The following SGCD variants were observed in gnomAD, a reference collection of about 807,000 sequenced individuals.
SGCD encodes delta-sarcoglycan.
SGCD carries 18 observed loss-of-function variants against 36.6 expected under a neutral mutation model. That is an observed-to-expected ratio of 0.49 (90% CI 0.34 to 0.73). SGCD has a LOEUF of 0.73. SGCD is among the 30% of genes least tolerant of loss of function. The pLI is 0.01. For missense variants in SGCD, 387 were observed against 346.7 expected (o/e 1.12, Z -0.92); for synonymous variants, 133 against 130.6 (o/e 1.02, Z -0.12).
intron 3 of SGCD, among the ~76,000 whole-genome samples, chr5:156,366,555 A>T (rs1004017266): frequency 3.3e-5 from 5 of 152,220 alleles, no homozygotes; most frequent in African/African-American, 7.2e-5. Context: ...GCTTTGCAGA[A>T]GAAAAAATAA....
chr5:156,221,636 A>C (rs1764718253), intron 3 of SGCD, among the ~76,000 whole-genome samples: 1 of 152,020 alleles, frequency 6.6e-6, no homozygotes, highest in Non-Finnish European at 1.5e-5. Context: ...ATCACAAAAA[A>C]AATAATTTTT....
chr5:156,034,448 T>C (rs1232927506), intron 1 of SGCD, among the ~76,000 whole-genome samples: 1 of 152,218 alleles, frequency 6.6e-6, no homozygotes, highest in African/African-American at 2.4e-5. Flanking sequence ...AAGCTTTCCT[T>C]TCCCACATAT....
chr5:155,768,841 G>A, the SGCD span, among the ~76,000 whole-genome samples: 2 of 152,072 alleles, frequency 1.3e-5, no homozygotes, highest in African/African-American at 2.4e-5. Context: ...GTATGTCCTC[G>A]ATGTCCTTTT....
chr5:155,988,329 C>A (rs182444408), intron 1 of SGCD, among the ~76,000 whole-genome samples: 90 of 152,142 alleles, frequency 5.9e-4, no homozygotes, highest in African/African-American at 2.0e-3. Context: ...GAAAAAAATA[C>A]GTTTTCCAAG....
At chr5:156,103,282 G>A (rs1761564644) in intron 1 of SGCD, among the ~76,000 whole-genome samples, 1 of 152,100 alleles carries the variant, frequency 6.6e-6, no homozygotes, top group Non-Finnish European at 1.5e-5. Context: ...GGCCCATGGG[G>A]TGCCATGCCC....
At chr5:156,592,201 A>ATG (rs1337083817) in intron 5 of SGCD, among the ~76,000 whole-genome samples, 2 of 152,080 alleles carry the variant, frequency 1.3e-5, no homozygotes, top group Admixed American at 6.6e-5. Context: ...AAGTCCAAGC[A>ATG]TGTGTGTCCC....
intron 7 of SGCD, among the ~76,000 whole-genome samples, chr5:156,702,403 C>T (rs1403726096): frequency 2.0e-5 from 3 of 151,998 alleles, no homozygotes; most frequent in African/African-American, 7.2e-5. Context: ...TAAATTCTAC[C>T]TGGGCATCAA....
At chr5:156,183,804 G>A (rs1303426355) in intron 3 of SGCD, among the ~76,000 whole-genome samples, 1 of 152,148 alleles carries the variant, frequency 6.6e-6, no homozygotes, top group African/African-American at 2.4e-5. Flanking sequence ...AAGTGGGGGT[G>A]GCAGAGTGGC....
chr5:155,925,195 A>G (rs565349334), intron 1 of SGCD, among the ~76,000 whole-genome samples: 9 of 152,186 alleles, frequency 5.9e-5, no homozygotes, highest in Non-Finnish European at 1.2e-4. Context: ...TAAAGTACAA[A>G]CTACTTTCAG....
chr5:156,654,796 A>T (rs933391948), intron 7 of SGCD, among the ~76,000 whole-genome samples: 1 of 152,206 alleles, frequency 6.6e-6, no homozygotes, highest in East Asian at 1.9e-4. Flanking sequence ...AAATTTATAC[A>T]GATAATTCTC....
chr5:156,508,700 C>T lies in SGCD; in HGVS notation c.292C>T (p.Pro98Ser), dbSNP rs1437006739. The change falls in exon 4 of 9, where the codon CCA becomes TCA. Residue 98 changes from proline (P) to serine (S), a missense_variant and splice_region_variant. Physicochemically the swap from Pro to Ser is moderately conservative, Grantham distance 74. Transcript: ENST00000337851. The part of the protein sequence containing the change: ...PLYAKEIQSR[P>S]GNALYFKSAR... ...CTACGCCAAAGAAATCCAGTCCCGA[C>T]CAGTAAGTTTCTGCTGAGAGAAGGA... 16 of 1,562,248 alleles carry T rather than the reference C, an allele frequency of 1.0e-5. No individual in the cohort carries two copies. In the Admixed American group the frequency reaches 1.4e-4, roughly 14 times the overall value.
chr5:155,750,267 T>G, the SGCD span, among the ~76,000 whole-genome samples: 23 of 152,188 alleles, frequency 1.5e-4, no homozygotes, highest in Non-Finnish European at 2.4e-4. Flanking sequence ...GAAAAGATAT[T>G]TTTACACCAT....
At chr5:156,468,300 T>C in intron 3 of SGCD, among the ~76,000 whole-genome samples, 1 of 150,390 alleles carries the variant, frequency 6.6e-6, no homozygotes, top group Non-Finnish European at 1.5e-5. Flanking sequence ...ATGATTGTTT[T>C]ACTGCACTTT....
chr5:156,631,546 C>T lies in SGCD; in HGVS notation c.503-15918C>T, dbSNP rs184354010. ...CACTGACTAATTCAGTCTTCATAGA[C>T]GCTATTTTTTTTTCTGTTTGTAGGG... On this transcript the variant is annotated intron_variant, in intron 6 of 8. Transcript: ENST00000337851. Among the ~76,000 whole-genome samples, 1,004 of 149,172 alleles carry T rather than the reference C, an allele frequency of 6.7e-3. 13 individuals carry two copies. Among genetic ancestry groups the T allele is most frequent in the African/African-American group, 0.024 (948 of 40,274 alleles).
At chr5:155,906,475 G>T (rs546025084) in intron 1 of SGCD, among the ~76,000 whole-genome samples, 15 of 152,268 alleles carry the variant, frequency 9.9e-5, no homozygotes, top group Non-Finnish European at 1.8e-4. Context: ...TAGCCAAGTT[G>T]TAAATGCAAA....
chr5:155,823,058 CTCTA>C, the SGCD span, among the ~76,000 whole-genome samples: 15 of 129,000 alleles, frequency 1.2e-4, no homozygotes, highest in African/African-American at 2.6e-4. Flanking sequence ...ATCTCTATAT[CTCTA>C]TATCTATCTA....
intron 1 of SGCD, among the ~76,000 whole-genome samples, chr5:155,910,561 T>C (rs1430778221): frequency 6.6e-6 from 1 of 151,778 alleles, no homozygotes; most frequent in East Asian, 1.9e-4. Context: ...ATCCTGATAG[T>C]AAAAAAATAT....
At chr5:156,302,135 T>C (rs752668499) in intron 3 of SGCD, among the ~76,000 whole-genome samples, 2 of 152,158 alleles carry the variant, frequency 1.3e-5, no homozygotes, top group Non-Finnish European at 2.9e-5. Flanking sequence ...GTAAGGCCAA[T>C]AACTCTTAGT....
chr5:155,794,735 AAG>A, the SGCD span, among the ~76,000 whole-genome samples: 1 of 152,128 alleles, frequency 6.6e-6, no homozygotes, highest in African/African-American at 2.4e-5. Context: ...TGGGAGAAAA[AAG>A]AATTTGTGGC....
Sources: allele counts gnomAD v4.1 joint callset (sites outside exome capture counted in the v4.1 genomes callset), GRCh38; gene constraint gnomAD v4.1.1; transcripts MANE v1.5; gene names NCBI Gene and HGNC (gene_info 2026-07-23, HGNC 2026-07-21).